The following LAMA1 variants were observed in gnomAD, a reference collection of about 807,000 sequenced individuals.
LAMA1 encodes laminin subunit alpha 1.
LAMA1 carries 219 observed loss-of-function variants against 348.7 expected under a neutral mutation model. The ratio of observed to expected loss-of-function variants is 0.63; its 90% confidence interval spans 0.56 to 0.70. The LOEUF (loss-of-function observed/expected upper bound fraction) is 0.70, where lower values mean the gene tolerates loss of function less well. Ranked by LOEUF, LAMA1 falls within the 30% of genes least tolerant of loss-of-function variation. The pLI is 0.00. For synonymous variants in LAMA1, 1,487 were observed against 1,491.0 expected, an observed-to-expected ratio of 1.00 and a Z score of 0.06; for missense variants, 3,744 against 3,888.0, an observed-to-expected ratio of 0.96 and a Z score of 0.99.
At chr18:7,098,974 C>T (rs1334114557) in intron 1 of LAMA1, among the ~76,000 whole-genome samples, 1 of 152,142 alleles carries the variant, frequency 6.6e-6, no homozygotes, top group African/African-American at 2.4e-5. Flanking sequence ...GTGTACTCAA[C>T]AGCTCATTGA....
chr18:7,027,080 CACA>C (rs1192391822), intron 16 of LAMA1, among the ~76,000 whole-genome samples: 4 of 151,766 alleles, frequency 2.6e-5, no homozygotes, highest in African/African-American at 9.7e-5. Context: ...CCTAAGGAGA[CACA>C]ACAATAAAAT....
At chr18:6,973,820 G>A (rs1422251675) in intron 46 of LAMA1, among the ~76,000 whole-genome samples, 3 of 152,108 alleles carry the variant, frequency 2.0e-5, no homozygotes, top group Non-Finnish European at 2.9e-5. Context: ...TTGCTCTGTC[G>A]CCCAGACTGG....
intron 11 of LAMA1, 125 bp from the exon 12 acceptor site, chr18:7,037,876 C>T: frequency 1.1e-6 from 1 of 901,470 alleles, no homozygotes. Flanking sequence ...ATGGCATTAA[C>T]ATAACACCTG....
intron 30 of LAMA1, 86 bp downstream of exon 30, chr18:7,002,178 G>C (rs2057810484): frequency 6.5e-7 from 1 of 1,542,198 alleles, no homozygotes; most frequent in African/African-American, 1.4e-5. Context: ...ATTAACAACA[G>C]ACCACTCAGA....
At chr18:6,997,937 C>T in intron 32 of LAMA1, 53 bp from the exon 33 acceptor site, 1 of 1,558,674 alleles carries the variant, frequency 6.4e-7, no homozygotes, top group Non-Finnish European at 8.8e-7. Flanking sequence ...ATGTGGTCTG[C>T]CCATTTTTTC....
At chr18:7,061,770 G>A (rs917540508) in intron 3 of LAMA1, among the ~76,000 whole-genome samples, 15 of 152,176 alleles carry the variant, frequency 9.9e-5, no homozygotes, top group African/African-American at 1.7e-4. Flanking sequence ...GTAGATGGGC[G>A]CGGTGGAGGC....
At chr18:7,038,173 G>A (rs1010792047) in intron 11 of LAMA1, among the ~76,000 whole-genome samples, 1 of 152,094 alleles carries the variant, frequency 6.6e-6, no homozygotes, top group Non-Finnish European at 1.5e-5. Flanking sequence ...TACTCCCAAT[G>A]CGTCACCGAC....
intron 11 of LAMA1, among the ~76,000 whole-genome samples, chr18:7,037,983 AG>A: frequency 6.6e-6 from 1 of 152,270 alleles, no homozygotes; most frequent in South Asian, 2.1e-4. Flanking sequence ...ATCCAGTATA[AG>A]CAAATAAATG....
At chr18:6,981,441 A>C (rs1381041970) in intron 41 of LAMA1, among the ~76,000 whole-genome samples, 2 of 151,840 alleles carry the variant, frequency 1.3e-5, no homozygotes, top group East Asian at 1.9e-4. Flanking sequence ...ACTCAACTCA[A>C]CCTCCTTCTC....
At chr18:7,044,583 G>A (rs2058034157) in intron 7 of LAMA1, 139 bp downstream of exon 7, 1 of 781,566 alleles carries the variant, frequency 1.3e-6, no homozygotes, top group African/African-American at 1.7e-5. Flanking sequence ...AAATTTTAAG[G>A]TCATCTGCAG....
In LAMA1 at chr18:7,049,188, A is replaced by G. The variant is rs774356183; in HGVS notation, c.658T>C (p.Ser220Pro). 1 of 1,614,210 alleles carries G rather than the reference A, an allele frequency of 6.2e-7. No homozygotes were observed. The highest frequency in any genetic ancestry group is 8.5e-7 in the Non-Finnish European group (1 of 1,180,022). ...DLSPKLLEFT[S>P]ARYIRLRLQR... ...AAGCGAAGGCGAATATATCGTGCAG[A>G]AGTGAATTCCAACAACTTGGGTGAA... Residue 220 changes from serine (S) to proline (P), a missense_variant, in exon 5 of 63, where the codon TCT becomes CCT. This residue lies in a region of LAMA1 where 1,529 missense variants were observed against 1,689.4 expected (regional missense o/e 0.91). Transcript: ENST00000389658.
chr18:7,030,490 G>A (rs2057963958), intron 16 of LAMA1, among the ~76,000 whole-genome samples: 1 of 151,990 alleles, frequency 6.6e-6, no homozygotes, highest in Non-Finnish European at 1.5e-5. Flanking sequence ...AATGTGGGGT[G>A]TAGTTCATCT....
At chr18:6,983,313 C>T in intron 39 of LAMA1, 79 bp from the exon 40 acceptor site, 2 of 1,490,408 alleles carry the variant, frequency 1.3e-6, no homozygotes, top group Non-Finnish European at 1.9e-6. Flanking sequence ...TCATAAATGC[C>T]TACCAGTTTT....
chr18:6,978,137 C>T lies in LAMA1; in HGVS notation c.6190+59G>A. 3 of 1,602,080 alleles carry T rather than the reference C, an allele frequency of 1.9e-6. No individual in the cohort carries two copies. The African/African-American group carries it at 4.0e-5, about 21-fold the overall frequency. ...GAAAAACGCACCACTGTGTGCTTAG[C>T]TAGCTCCACGTCTGCATGACGCAGA... On this transcript the variant is annotated intron_variant, in intron 43 of 62. Coordinates refer to ENST00000389658, the MANE Select transcript of LAMA1 (RefSeq NM_005559.4).
At chr18:7,002,140 A>G in intron 30 of LAMA1, 124 bp downstream of exon 30, 3 of 1,257,534 alleles carry the variant, frequency 2.4e-6, no homozygotes, top group Non-Finnish European at 3.3e-6. Flanking sequence ...TCTTAAAATT[A>G]GCCTTTTGCA....
At chr18:7,044,162 C>CAAAAAAA (rs60402984) in intron 7 of LAMA1, among the ~76,000 whole-genome samples, 1 of 40,206 alleles carries the variant, frequency 2.5e-5, no homozygotes, top group African/African-American at 6.7e-5. Flanking sequence ...GACTCCATCT[C>CAAAAAAA]AAAAAAAAAA....
chr18:6,998,076 G>A (rs1333089771), intron 32 of LAMA1, among the ~76,000 whole-genome samples, 192 bp from the exon 33 acceptor site: 1 of 152,058 alleles, frequency 6.6e-6, no homozygotes, highest in Non-Finnish European at 1.5e-5. Context: ...GAAGTGCTAG[G>A]CCCCTATTCA....
intron 48 of LAMA1, among the ~76,000 whole-genome samples, chr18:6,968,712 A>G (rs2057644881): frequency 6.6e-6 from 1 of 152,230 alleles, no homozygotes; most frequent in Non-Finnish European, 1.5e-5. Flanking sequence ...CTTTGAGAAT[A>G]TAACAGACTG....
chr18:6,948,827 G>A (rs1221040061), intron 59 of LAMA1, among the ~76,000 whole-genome samples: 2 of 152,140 alleles, frequency 1.3e-5, no homozygotes, highest in African/African-American at 2.4e-5. Flanking sequence ...ACTAATGTGC[G>A]AATATGCATT....
Sources: gnomAD v4.1 joint callset for allele counts (sites outside exome capture counted in the v4.1 genomes callset) on GRCh38, gnomAD v4.1.1 for gene constraint, gnomAD v4.1.1 regional missense constraint, MANE v1.5 for transcripts, NCBI Gene and HGNC (gene_info 2026-07-23, HGNC 2026-07-21) for gene names.